TMCC1: variants seen among roughly 807,000 people sequenced by gnomAD.
The protein encoded by TMCC1 is transmembrane and coiled-coil domain family 1, also known as transmembrane and coiled-coil domains protein 1.
TMCC1 carries 15 observed loss-of-function variants against 52.4 expected under a neutral mutation model. The observed-to-expected ratio is 0.29, with a 90% confidence interval of 0.19 to 0.44. The LOEUF (loss-of-function observed/expected upper bound fraction) is 0.44. Ranked by LOEUF, TMCC1 falls within the 20% of genes least tolerant of loss-of-function variation. The probability of loss-of-function intolerance (pLI) is 1.00; values close to 1 mark genes in which losing one functional copy is unlikely to be tolerated. For synonymous variants in TMCC1, 279 were observed against 301.9 expected (o/e 0.92, Z 0.79); for missense variants, 503 against 806.0 (o/e 0.62, Z 4.55).
intron 1 of TMCC1, among the ~76,000 whole-genome samples, chr3:129,881,490 GAAT>G (rs1429290993): frequency 6.6e-6 from 1 of 151,716 alleles, no homozygotes; most frequent in Admixed American, 6.6e-5. Flanking sequence ...AGAAAATGTA[GAAT>G]AATCATATAA....
chr3:129,788,452 G>A (rs539503500), intron 4 of TMCC1, among the ~76,000 whole-genome samples: 1 of 151,998 alleles, frequency 6.6e-6, no homozygotes, highest in African/African-American at 2.4e-5. Flanking sequence ...TGATCTTACT[G>A]GGGTCTTATT....
intron 2 of TMCC1, among the ~76,000 whole-genome samples, chr3:129,873,472 A>G (rs2061033692): frequency 6.6e-6 from 1 of 151,818 alleles, no homozygotes; most frequent in Non-Finnish European, 1.5e-5. Flanking sequence ...GCTTAAGGCC[A>G]GGAGTCTGAG....
intron 2 of TMCC1, among the ~76,000 whole-genome samples, chr3:129,850,812 T>G (rs1284248466): frequency 6.6e-6 from 1 of 152,214 alleles, no homozygotes; most frequent in Non-Finnish European, 1.5e-5. Context: ...TAACTAAAAG[T>G]ATCCCTTATG....
intron 4 of TMCC1, among the ~76,000 whole-genome samples, chr3:129,718,960 C>A (rs1224744867): frequency 2.0e-5 from 3 of 152,108 alleles, no homozygotes; most frequent in African/African-American, 7.2e-5. Flanking sequence ...CACCCCTAAT[C>A]CCCACTTTGA....
chr3:129,700,697 G>T (rs1479510313), intron 4 of TMCC1, among the ~76,000 whole-genome samples: 1 of 151,004 alleles, frequency 6.6e-6, no homozygotes, highest in African/African-American at 2.4e-5. Flanking sequence ...GGCTGGTCTC[G>T]AACTCCTGAC....
chr3:129,661,574 C>T (rs1193254807), intron 5 of TMCC1, among the ~76,000 whole-genome samples: 1 of 152,232 alleles, frequency 6.6e-6, no homozygotes, highest in East Asian at 1.9e-4. Flanking sequence ...TTTGACTGGG[C>T]AAATTGCTTG....
intron 2 of TMCC1, among the ~76,000 whole-genome samples, chr3:129,857,064 A>G (rs991670526): frequency 6.6e-6 from 1 of 152,102 alleles, no homozygotes; most frequent in Non-Finnish European, 1.5e-5. Context: ...GACTACAGGC[A>G]TACACCACCA....
At chr3:129,850,732 G>A (rs1049818484) in intron 2 of TMCC1, among the ~76,000 whole-genome samples, 4 of 152,096 alleles carry the variant, frequency 2.6e-5, no homozygotes, top group East Asian at 1.9e-4. Context: ...CGAGAGCCCC[G>A]AACAGAGATT....
At chr3:129,891,679 G>A (rs776952966) in intron 1 of TMCC1, among the ~76,000 whole-genome samples, 1 of 152,130 alleles carries the variant, frequency 6.6e-6, no homozygotes, top group Non-Finnish European at 1.5e-5. Flanking sequence ...CTTAATTAGG[G>A]AAGAGGCCTT....
At chr3:129,778,089 A>G (rs1006395451) in intron 4 of TMCC1, among the ~76,000 whole-genome samples, 1 of 152,216 alleles carries the variant, frequency 6.6e-6, no homozygotes, top group African/African-American at 2.4e-5. Context: ...TTCTTCTCTA[A>G]CAGACTGCTA....
At chr3:129,734,904 ATTT>A (rs139829106) in intron 4 of TMCC1, among the ~76,000 whole-genome samples, 2 of 142,082 alleles carry the variant, frequency 1.4e-5, no homozygotes, top group Non-Finnish European at 1.5e-5. Context: ...TCTGTTCGAA[ATTT>A]TTTTTTTTTT....
At chr3:129,881,278 T>C (rs977974908) in intron 1 of TMCC1, among the ~76,000 whole-genome samples, 6 of 152,192 alleles carry the variant, frequency 3.9e-5, no homozygotes, top group Non-Finnish European at 5.9e-5. Flanking sequence ...AAGTACACTT[T>C]TGCAGGTAAT....
intron 4 of TMCC1, among the ~76,000 whole-genome samples, chr3:129,684,138 C>T (rs1366923169): frequency 2.0e-5 from 3 of 152,184 alleles, no homozygotes; most frequent in East Asian, 3.9e-4. Context: ...ATGGTATGGA[C>T]TTCAGAGACT....
chr3:129,890,973 C>A (rs993462360), intron 1 of TMCC1, among the ~76,000 whole-genome samples: 1 of 152,134 alleles, frequency 6.6e-6, no homozygotes, highest in Non-Finnish European at 1.5e-5. Context: ...ACATGAAGAA[C>A]AACATTCTAA....
At chr3:129,688,695 T>C (rs774580392) in intron 4 of TMCC1, 314 of 985,344 alleles carry the variant, frequency 3.2e-4, no homozygotes, top group Non-Finnish European at 3.5e-4. Context: ...TCCGTGTGTG[T>C]GCGCGCGCAC....
intron 4 of TMCC1, among the ~76,000 whole-genome samples, chr3:129,821,268 C>T (rs1403854491): frequency 6.6e-6 from 1 of 152,140 alleles, no homozygotes; most frequent in Non-Finnish European, 1.5e-5. Context: ...TAGACTCAGC[C>T]ATGAACTAGC....
intron 4 of TMCC1, among the ~76,000 whole-genome samples, chr3:129,789,544 G>A (rs889699149): frequency 1.3e-5 from 2 of 152,100 alleles, no homozygotes; most frequent in East Asian, 1.9e-4. Flanking sequence ...GCAGTGGCGC[G>A]ATCTCGGCTC....
intron 4 of TMCC1, among the ~76,000 whole-genome samples, chr3:129,702,868 T>C (rs562820617): frequency 4.6e-5 from 7 of 152,080 alleles, no homozygotes; most frequent in Admixed American, 4.6e-4. Flanking sequence ...ATACAAAAAT[T>C]AGCTGGGCGT....
At chr3:129,750,574 T>A (rs1263905582) in intron 4 of TMCC1, among the ~76,000 whole-genome samples, 1 of 30,706 alleles carries the variant, frequency 3.3e-5, no homozygotes, top group East Asian at 5.4e-4. Context: ...ATCTAAATTT[T>A]TTTTTTTTTT....
Sources: allele counts gnomAD v4.1 joint callset (sites outside exome capture counted in the v4.1 genomes callset), GRCh38; gene constraint gnomAD v4.1.1; transcripts MANE v1.5; gene names NCBI Gene and HGNC (gene_info 2026-07-23, HGNC 2026-07-21).